The following RSBN1 variants were observed in gnomAD, a reference collection of about 807,000 sequenced individuals.
The protein encoded by RSBN1 is round spermatid basic protein 1, also known as lysine-specific demethylase 9.
Under a neutral mutation model 74.8 loss-of-function variants are expected in RSBN1, and 23 were observed. That is an observed-to-expected ratio of 0.31 (90% CI 0.22 to 0.44). The LOEUF (loss-of-function observed/expected upper bound fraction) is 0.44, where lower values mean the gene tolerates loss of function less well. RSBN1 is among the 20% of genes least tolerant of loss of function. The pLI is 1.00. For synonymous variants in RSBN1, 407 were observed against 379.6 expected (o/e 1.07, Z -0.84); for missense variants, 808 against 1,020.9 (o/e 0.79, Z 2.84).
rs1218248263 is a variant in RSBN1, at chr1:113,761,987, A to C, written c.*3993T>G. The C allele has an allele frequency of 1.3e-5, 2 of 152,800 alleles. No individual in the cohort carries two copies. Among genetic ancestry groups the C allele is most frequent in the Admixed American group, 1.3e-4 (2 of 15,290 alleles). 9.5% of individuals were successfully genotyped at this position (152,800 alleles called of 1,614,324 possible). Reference sequence around the variant, plus strand: ...ACTGTGTTAAAAGGATTATTCACACAAATTTAGATTTAAGACTATTCATTA... The same window carrying C: ...ACTGTGTTAAAAGGATTATTCACACCAATTTAGATTTAAGACTATTCATTA... On this transcript the variant is annotated 3_prime_UTR_variant, in exon 7 of 7. Transcript: ENST00000261441.
chr1:113,768,617 T>C (rs1337008213), intron 4 of RSBN1, among the ~76,000 whole-genome samples: 2 of 152,196 alleles, frequency 1.3e-5, no homozygotes, highest in Non-Finnish European at 2.9e-5. Context: ...GCTGAAAATA[T>C]ATCTTAGATT....
intron 1 of RSBN1, among the ~76,000 whole-genome samples, chr1:113,810,002 T>C (rs532790420): frequency 1.2e-4 from 19 of 152,266 alleles, no homozygotes; most frequent in Admixed American, 8.5e-4. Context: ...CAGAGAAAGA[T>C]TGTAAATTAT....
chr1:113,801,728 T>A (rs1472933372), intron 1 of RSBN1, among the ~76,000 whole-genome samples: 1 of 152,254 alleles, frequency 6.6e-6, no homozygotes, highest in African/African-American at 2.4e-5. Context: ...AACTTTCACC[T>A]ATCCAACTGT....
At chr1:113,808,387 TACAG>T (rs1055004067) in intron 1 of RSBN1, among the ~76,000 whole-genome samples, 3 of 152,318 alleles carry the variant, frequency 2.0e-5, no homozygotes, top group Non-Finnish European at 4.4e-5. Context: ...ACAAGTCCAG[TACAG>T]ACAATGTTTT....
chr1:113,808,389 C>G (rs115246061), intron 1 of RSBN1, among the ~76,000 whole-genome samples: 1 of 152,090 alleles, frequency 6.6e-6, no homozygotes, highest in African/African-American at 2.4e-5. Flanking sequence ...AAGTCCAGTA[C>G]AGACAATGTT....
At chr1:113,776,423 T>C (rs1179532231) in intron 4 of RSBN1, among the ~76,000 whole-genome samples, 1 of 152,204 alleles carries the variant, frequency 6.6e-6, no homozygotes, top group African/African-American at 2.4e-5. Flanking sequence ...CAGGATCTTG[T>C]CGTGGAGTCC....
chr1:113,795,636 T>C (rs1660455981), intron 2 of RSBN1, among the ~76,000 whole-genome samples: 1 of 152,244 alleles, frequency 6.6e-6, no homozygotes, highest in African/African-American at 2.4e-5. Context: ...AATTTAATCA[T>C]AATCTGAAAT....
At chr1:113,788,354 G>C (rs1475468656) in intron 2 of RSBN1, among the ~76,000 whole-genome samples, 2 of 152,134 alleles carry the variant, frequency 1.3e-5, no homozygotes, top group African/African-American at 4.8e-5. Context: ...AAAAAGGGTG[G>C]TGGGGGGTAG....
At position 113,812,133 on chromosome 1, in the gene RSBN1, C is replaced by A. The variant is rs1283945077; in HGVS notation, c.280G>T (p.Gly94Trp). 3 of 1,609,342 alleles carry A rather than the reference C, an allele frequency of 1.9e-6. No individual in the cohort carries two copies. Among genetic ancestry groups the A allele is most frequent in the African/African-American group, 2.7e-5 (2 of 74,880 alleles). ...CGCCCCCGCTTCTCCTGAGACCCCC[C>A]ACTGCTAGATCGGCGCTGCCGTTTA... ...GVKRQRRSSS[G>W]GSQEKRGRPS... is the part of the protein sequence containing the mutation. Residue 94 changes from glycine to tryptophan, a missense_variant, in exon 1 of 7, where the codon GGG becomes TGG. Coordinates refer to ENST00000261441, the MANE Select transcript of RSBN1 (RefSeq NM_018364.5).
At chr1:113,804,721 G>T (rs143180388) in intron 1 of RSBN1, among the ~76,000 whole-genome samples, 49 of 152,216 alleles carry the variant, frequency 3.2e-4, no homozygotes, top group African/African-American at 1.1e-3. Flanking sequence ...TACAGTTGTT[G>T]TTCTGATAAA....
intron 1 of RSBN1, among the ~76,000 whole-genome samples, chr1:113,801,562 C>T (rs1047032761): frequency 1.3e-5 from 2 of 152,342 alleles, no homozygotes; most frequent in East Asian, 3.9e-4. Flanking sequence ...TGTCCAAAGT[C>T]TTCTTCACAA....
chr1:113,792,470 A>G (rs34042871), intron 2 of RSBN1, among the ~76,000 whole-genome samples: 33,111 of 152,132 alleles, frequency 0.22, 4,510 homozygotes, highest in South Asian at 0.39. Context: ...TAGGAGGCCA[A>G]AGCAGGAGAA....
intron 1 of RSBN1, among the ~76,000 whole-genome samples, chr1:113,800,507 C>G (rs1170080976): frequency 6.6e-6 from 1 of 152,040 alleles, no homozygotes; most frequent in East Asian, 1.9e-4. Context: ...AAAGGTTAGA[C>G]CAATTTAAAA....
intron 2 of RSBN1, among the ~76,000 whole-genome samples, chr1:113,792,805 G>A (rs1459774178): frequency 2.0e-5 from 3 of 152,006 alleles, no homozygotes; most frequent in Non-Finnish European, 2.9e-5. Flanking sequence ...TCAAAGAAAG[G>A]AGAAAGAAAG....
intron 1 of RSBN1, among the ~76,000 whole-genome samples, chr1:113,800,778 C>T (rs967581360): frequency 2.0e-5 from 3 of 151,470 alleles, no homozygotes; most frequent in Non-Finnish European, 4.4e-5. Context: ...TTCACTTATA[C>T]GAGTTTCACA....
At chr1:113,799,565 TACAC>T (rs66958734) in intron 1 of RSBN1, among the ~76,000 whole-genome samples, 17,103 of 141,748 alleles carry the variant, frequency 0.12, 1,092 homozygotes, top group Middle Eastern at 0.2. Flanking sequence ...ATAGATGCTT[TACAC>T]ACACACACAC....
chr1:113,780,609 G>A (rs1049813954), intron 2 of RSBN1, among the ~76,000 whole-genome samples: 1 of 152,178 alleles, frequency 6.6e-6, no homozygotes, highest in East Asian at 1.9e-4. Flanking sequence ...TCATAATTTC[G>A]CCAAGACCAA....
chr1:113,796,506 T>A (rs575140847), intron 2 of RSBN1, among the ~76,000 whole-genome samples: 25 of 151,354 alleles, frequency 1.7e-4, no homozygotes, highest in African/African-American at 3.7e-4. Flanking sequence ...CCTAAAAAAA[T>A]ATATATATAT....
chr1:113,781,726 G>A (rs994934755), intron 2 of RSBN1, among the ~76,000 whole-genome samples: 13 of 151,780 alleles, frequency 8.6e-5, no homozygotes, highest in African/African-American at 3.1e-4. Flanking sequence ...TATGTACTTC[G>A]CCGGTTAATA....
Sources: gnomAD v4.1 joint callset for allele counts (sites outside exome capture counted in the v4.1 genomes callset) on GRCh38, gnomAD v4.1.1 for gene constraint, MANE v1.5 for transcripts, NCBI Gene and HGNC (gene_info 2026-07-23, HGNC 2026-07-21) for gene names.